SPP2: variants seen among roughly 807,000 people sequenced by gnomAD.
SPP2 encodes the protein secreted phosphoprotein 2.
A neutral mutation model predicts 28.8 loss-of-function variants in SPP2; 34 were observed. That is an observed-to-expected ratio of 1.18 (90% CI 0.90 to 1.57). The LOEUF (loss-of-function observed/expected upper bound fraction) is 1.57. Among genes scored for constraint, SPP2 ranks in the 40% most tolerant of loss-of-function variants. The pLI is 0.00. For missense variants in SPP2, 269 were observed against 263.9 expected (o/e 1.02, Z -0.13); for synonymous variants, 96 against 89.4 (o/e 1.07, Z -0.42).
intron 5 of SPP2, among the ~76,000 whole-genome samples, chr2:234,066,826 T>G (rs1693831460): frequency 6.6e-6 from 1 of 152,238 alleles, no homozygotes; most frequent in Non-Finnish European, 1.5e-5. Context: ...CATACATAAT[T>G]CCATTTGATG....
At chr2:234,056,231 A>C (rs528785729) in intron 2 of SPP2, 1 of 151,998 alleles carries the variant, frequency 6.6e-6, no homozygotes, top group Non-Finnish European at 1.5e-5. Context: ...GAAAAAAAAC[A>C]AACAACCCCA....
intron 2 of SPP2, among the ~76,000 whole-genome samples, chr2:234,055,030 G>T (rs1050330828): frequency 6.6e-6 from 1 of 152,070 alleles, no homozygotes; most frequent in Non-Finnish European, 1.5e-5. Context: ...CATTAATAAG[G>T]GATTCATTTG....
intron 4 of SPP2, among the ~76,000 whole-genome samples, chr2:234,064,778 C>A (rs1318293448): frequency 2.0e-5 from 3 of 152,226 alleles, no homozygotes; most frequent in Non-Finnish European, 4.4e-5. Flanking sequence ...TTTGTCCATT[C>A]TGATCATTTC....
In SPP2 at chr2:234,059,025, A is replaced by T. The variant is rs1693665667; in HGVS notation, c.333+67A>T. On this transcript the variant is annotated intron_variant, in intron 3 of 7. Transcript: ENST00000168148. The stretch of plus-strand genomic sequence containing the variant: ...GAGCCTCACTTCTTCCATGACCTGG[A>T]GTCACACAAAGAACTTGGTCGCTGC... The T allele has an allele frequency of 2.6e-6, 4 of 1,557,782 alleles. No individual in the cohort carries two copies. In the East Asian group the frequency reaches 9.1e-5, roughly 35 times the overall value.
intron 7 of SPP2, among the ~76,000 whole-genome samples, chr2:234,073,141 G>GCCT (rs1324101619): frequency 6.6e-6 from 1 of 152,170 alleles, no homozygotes; most frequent in East Asian, 1.9e-4. Context: ...ACCTGCCTTG[G>GCCT]CCTCCCGAAG....
chr2:234,065,489 T>C (rs1293911138), intron 4 of SPP2, among the ~76,000 whole-genome samples: 1 of 152,136 alleles, frequency 6.6e-6, no homozygotes, highest in Non-Finnish European at 1.5e-5. Context: ...CATGTTGGCC[T>C]GCCTGGTCTC....
At chr2:234,065,084 T>G (rs751685441) in intron 4 of SPP2, among the ~76,000 whole-genome samples, 3 of 152,242 alleles carry the variant, frequency 2.0e-5, no homozygotes, top group Non-Finnish European at 2.9e-5. Context: ...AGTAACTCTA[T>G]GTTTAATGAC....
intron 2 of SPP2, among the ~76,000 whole-genome samples, chr2:234,052,844 G>C (rs1693525831): frequency 6.6e-6 from 1 of 152,022 alleles, no homozygotes; most frequent in Non-Finnish European, 1.5e-5. Context: ...ATCTCTCCTG[G>C]TGATATTTTT....
chr2:234,063,354 G>C (rs914669463), intron 4 of SPP2, among the ~76,000 whole-genome samples: 6 of 151,952 alleles, frequency 3.9e-5, no homozygotes, highest in African/African-American at 1.5e-4. Flanking sequence ...GGAATATAAG[G>C]TAAAGAAAAA....
chr2:234,059,366 A>C (rs907629294), intron 3 of SPP2, among the ~76,000 whole-genome samples: 2 of 152,120 alleles, frequency 1.3e-5, no homozygotes, highest in Non-Finnish European at 2.9e-5. Flanking sequence ...TGTCTTCCCC[A>C]CTAGTTCAGG....
chr2:234,050,997 T>G lies in SPP2; in HGVS notation c.112T>G (p.Ser38Ala), dbSNP rs758562666. The change falls in exon 2 of 8, where the codon TCC becomes GCC. Residue 38 changes from serine to alanine, a missense_variant. Ser to Ala is a moderately conservative substitution (Grantham distance 99). Coordinates refer to ENST00000168148, the MANE Select transcript of SPP2 (RefSeq NM_006944.3). ...SGFPVYDYDP[S>A]SLRDALSASV... ...TTTCCCAGTGTACGACTACGATCCA[T>G]CCTCCTTAAGGGATGCCCTCAGTGC... 18 of 1,613,892 alleles carry G rather than the reference T, an allele frequency of 1.1e-5. No individual in the cohort carries two copies. In the Admixed American group the frequency reaches 3.0e-4, roughly 27 times the overall value.
In SPP2 at chr2:234,077,022, C is replaced by T. The variant is rs897873767; in HGVS notation, c.*188C>T. On this transcript the variant is annotated 3_prime_UTR_variant, in exon 8 of 8. Coordinates refer to ENST00000168148, the MANE Select transcript of SPP2 (RefSeq NM_006944.3). ...GACCCTCACACTCCTTTTCTCTTAA[C>T]AGCAAAATGCAATGGAAGGAAGAAA... 2 of 152,122 alleles carry T rather than the reference C, an allele frequency of 1.3e-5. No homozygotes were observed. The highest frequency in any genetic ancestry group is 2.9e-5 in the Non-Finnish European group (2 of 68,038). The allele number at this position is 152,122 out of a possible 1,614,324, so 9.4% of individuals were successfully genotyped here. A position where few individuals can be genotyped will look rare whatever the true frequency, so the allele number is the denominator to read the frequency against.
At chr2:234,056,150 A>G (rs1262808246) in intron 2 of SPP2, 1 of 152,088 alleles carries the variant, frequency 6.6e-6, no homozygotes, top group Non-Finnish European at 1.5e-5. Context: ...ATGGGAGAAA[A>G]TTTTTGCAAT....
At chr2:234,056,607 G>A (rs557600107) in intron 2 of SPP2, among the ~76,000 whole-genome samples, 1 of 152,286 alleles carries the variant, frequency 6.6e-6, no homozygotes, top group South Asian at 2.1e-4. Flanking sequence ...CTTTTGTGTT[G>A]CCAGTTGCTT....
chr2:234,060,715 T>A lies in SPP2; in HGVS notation c.444+236T>A, dbSNP rs28903703. 1.3e-4 allele frequency among the ~76,000 whole-genome samples: 20 copies of A among 149,644 alleles called. 1 individual carries two copies. Among genetic ancestry groups the A allele is most frequent in the African/African-American group, 2.0e-4 (8 of 40,296 alleles). On this transcript the variant is annotated intron_variant, in intron 4 of 7. Transcript: ENST00000168148. ...TCCTCTCTCTTTCTCTCTCTCTCTC[T>A]CACACACACACACATATGCACACAC...
In SPP2 at chr2:234,066,604, T is replaced by C; in HGVS notation, c.499+17T>C. On this transcript the variant is annotated intron_variant, in intron 5 of 7. Coordinates refer to ENST00000168148, the MANE Select transcript of SPP2 (RefSeq NM_006944.3). ...ATCTATTTGGTAAGTTAAGATCTGTTCTTTTTAACTTTTTTTCTTAAAATA... is the reference window on the plus strand; with the variant it reads ...ATCTATTTGGTAAGTTAAGATCTGTCCTTTTTAACTTTTTTTCTTAAAATA... The C allele has an allele frequency of 6.3e-7, 1 of 1,592,616 alleles. No individual in the cohort carries two copies. The highest frequency in any genetic ancestry group is 8.6e-7 in the Non-Finnish European group (1 of 1,168,432).
chr2:234,051,280 T>C (rs1342016327), intron 2 of SPP2, among the ~76,000 whole-genome samples, 185 bp downstream of exon 2: 1 of 152,236 alleles, frequency 6.6e-6, no homozygotes, highest in Non-Finnish European at 1.5e-5. Context: ...CATGAGGCTA[T>C]CCAAACCACT....
Position 234,050,889 on chromosome 2 carries a change from C to T in SPP2, c.85+18C>T. ...TTGCTCAGGTAAGGTATTCACCAAC[C>T]TGGCCACCTGCTCTGGATCATGCAG... On this transcript the variant is annotated intron_variant, in intron 1 of 7. Transcript: ENST00000168148. The T allele has an allele frequency of 6.2e-7, 1 of 1,614,040 alleles. No homozygotes were observed. The highest frequency in any genetic ancestry group is 8.5e-7 in the Non-Finnish European group (1 of 1,179,942).
chr2:234,073,933 G>T (rs1459367284), intron 7 of SPP2, among the ~76,000 whole-genome samples: 1 of 152,162 alleles, frequency 6.6e-6, no homozygotes, highest in African/African-American at 2.4e-5. Flanking sequence ...CTCTATGCCT[G>T]GCCTCTGTGC....
Sources: gnomAD v4.1 joint callset for allele counts (sites outside exome capture counted in the v4.1 genomes callset) on GRCh38, gnomAD v4.1.1 for gene constraint, MANE v1.5 for transcripts, NCBI Gene and HGNC (gene_info 2026-07-23, HGNC 2026-07-21) for gene names.